EPS15L1: variants seen among roughly 807,000 people sequenced by gnomAD.
EPS15L1 encodes the protein epidermal growth factor receptor substrate 15-like 1.
In EPS15L1, 43 loss-of-function variants were observed where a neutral mutation model predicts 117.1. The observed-to-expected ratio is 0.37, with a 90% CI of 0.29 to 0.47. The LOEUF (loss-of-function observed/expected upper bound fraction) is 0.47, where lower values mean the gene tolerates loss of function less well. EPS15L1 is among the 20% of genes least tolerant of loss of function. The probability of loss-of-function intolerance (pLI) is 0.99; values close to 1 mark genes in which losing one functional copy is unlikely to be tolerated. For missense variants in EPS15L1, 981 were observed against 1,164.0 expected, an observed-to-expected ratio of 0.84 and a Z score of 2.29; for synonymous variants, 459 against 470.5, an observed-to-expected ratio of 0.98 and a Z score of 0.32.
intron 4 of EPS15L1, among the ~76,000 whole-genome samples, chr19:16,439,728 T>C (rs1374091990): frequency 6.6e-6 from 1 of 151,342 alleles, no homozygotes; most frequent in African/African-American, 2.4e-5. Context: ...CATGCAGACA[T>C]GCACCATGAA....
intron 9 of EPS15L1, among the ~76,000 whole-genome samples, chr19:16,423,632 G>A (rs931593503): frequency 2.6e-5 from 4 of 152,144 alleles, no homozygotes; most frequent in Non-Finnish European, 5.9e-5. Context: ...CAGATGGCAA[G>A]AGCAACCTGA....
intron 8 of EPS15L1, among the ~76,000 whole-genome samples, chr19:16,427,194 G>T (rs116050387): frequency 1.3e-5 from 2 of 152,156 alleles, no homozygotes; most frequent in South Asian, 2.1e-4. Flanking sequence ...GGAGGCCAAG[G>T]GGGGAGGTCG....
intron 7 of EPS15L1, among the ~76,000 whole-genome samples, chr19:16,430,585 G>C (rs2092918080): frequency 6.6e-6 from 1 of 152,178 alleles, no homozygotes; most frequent in South Asian, 2.1e-4. Flanking sequence ...CAGTAAATAA[G>C]TCTCAGCCTC....
intron 1 of EPS15L1, among the ~76,000 whole-genome samples, chr19:16,455,374 C>T (rs982685600): frequency 6.6e-6 from 1 of 152,176 alleles, no homozygotes; most frequent in African/African-American, 2.4e-5. Flanking sequence ...AATCCTCCTG[C>T]CTTGGCCTCC....
At position 16,434,245 on chromosome 19, in the gene EPS15L1, T is replaced by C. The variant is rs1056450680; in HGVS notation, c.498+120A>G. 1.6e-5 allele frequency: 22 copies of C among 1,368,624 alleles called. No homozygotes were observed. In the African/African-American group the frequency reaches 2.8e-4, roughly 17 times the overall value. The allele number at this position is 1,368,624 out of a possible 1,614,324, so 84.8% of individuals were successfully genotyped here. ...CCACAGGAGCGCTGATGAAAGCCCC[T>C]GATGGCACAGGGAGAAAACAGAGCA... On this transcript the variant is annotated intron_variant, in intron 7 of 23. Transcript: ENST00000455140.
intron 1 of EPS15L1, among the ~76,000 whole-genome samples, chr19:16,459,301 T>C (rs1322697642): frequency 6.6e-6 from 1 of 152,238 alleles, no homozygotes; most frequent in East Asian, 1.9e-4. Flanking sequence ...CACACTCCCA[T>C]AGCCCCAAAC....
chr19:16,459,086 T>A (rs1463645032), intron 1 of EPS15L1, among the ~76,000 whole-genome samples: 1 of 152,216 alleles, frequency 6.6e-6, no homozygotes, highest in Non-Finnish European at 1.5e-5. Context: ...AGTAGCTGCG[T>A]ATCTAAACAT....
At chr19:16,400,752 C>T in intron 16 of EPS15L1, 1 of 985,390 alleles carries the variant, frequency 1.0e-6, no homozygotes, top group Non-Finnish European at 1.2e-6. Flanking sequence ...TCTCAGGTAA[C>T]CTTTGCCCTG....
At chr19:16,422,547 G>A (rs1474781396) in intron 9 of EPS15L1, among the ~76,000 whole-genome samples, 2 of 152,078 alleles carry the variant, frequency 1.3e-5, no homozygotes, top group African/African-American at 4.8e-5. Flanking sequence ...TGGCTGGAGG[G>A]ATCGATTGTT....
intron 21 of EPS15L1, 49 bp from the exon 22 acceptor site, chr19:16,377,303 G>C (rs1337311836): frequency 1.2e-6 from 2 of 1,604,118 alleles, no homozygotes; most frequent in Non-Finnish European, 8.5e-7. Context: ...TTAAAACAAA[G>C]GTGACGGATG....
At chr19:16,438,910 T>A (rs574702315) in intron 4 of EPS15L1, among the ~76,000 whole-genome samples, 84 of 152,208 alleles carry the variant, frequency 5.5e-4, no homozygotes, top group African/African-American at 1.9e-3. Context: ...CTCGGCCTCG[T>A]TGAATGGAAC....
intron 21 of EPS15L1, 69 bp from the exon 22 acceptor site, chr19:16,377,323 C>G (rs935497166): frequency 6.3e-7 from 1 of 1,577,154 alleles, no homozygotes; most frequent in African/African-American, 1.4e-5. Context: ...GTCCACTGAA[C>G]AGACGCTCAT....
chr19:16,419,075 T>TGGCCACAAGCCCACATAGCTCTTGGG (rs2092789241), intron 10 of EPS15L1, among the ~76,000 whole-genome samples: 4 of 152,168 alleles, frequency 2.6e-5, no homozygotes. Flanking sequence ...CTCTTGGATG[T>TGGCCACAAGCCCACATAGCTCTTGGG]CCTGAAAGAT....
intron 22 of EPS15L1, among the ~76,000 whole-genome samples, chr19:16,376,790 C>T (rs2092301597): frequency 6.6e-6 from 1 of 152,232 alleles, no homozygotes; most frequent in Non-Finnish European, 1.5e-5. Context: ...ATAGCCAGGG[C>T]GTCGGGGTGG....
chr19:16,366,256 G>A (rs1333334764), intron 22 of EPS15L1, among the ~76,000 whole-genome samples: 1 of 152,146 alleles, frequency 6.6e-6, no homozygotes, highest in Non-Finnish European at 1.5e-5. Flanking sequence ...GCAAGAATGT[G>A]GAGGGAGGTG....
rs1490700597 is a variant in EPS15L1 at position 16,425,234 on chromosome 19, C to T, written c.641G>A (p.Arg214Lys). 1 of 1,592,414 alleles carries T rather than the reference C, an allele frequency of 6.3e-7. No individual in the cohort carries two copies. Among genetic ancestry groups the T allele is most frequent in the South Asian group, 1.1e-5 (1 of 90,610 alleles). Residue 214 changes from arginine (R) to lysine (K), a missense_variant, in exon 9 of 24, where the codon AGA becomes AAA. By Grantham distance (26) the Arg-to-Lys change is conservative. Around this residue, in one of 5 missense-constraint regions of EPS15L1, gnomAD observed 819 missense variants for 949.0 expected, o/e 0.86. Transcript: ENST00000455140. ...LPPSLIPPSK[R>K]KKTVFPGAVP... ...GGCGCCAGGGAACACAGTCTTCTTT[C>T]TCTTGGAGGGTGGGATGAGGGACGG...
chr19:16,367,537 G>A (rs1418605447), intron 22 of EPS15L1, among the ~76,000 whole-genome samples: 5 of 138,558 alleles, frequency 3.6e-5, no homozygotes, highest in Non-Finnish European at 7.7e-5. Flanking sequence ...CTTGGTGGCC[G>A]GCTCCACCCT....
chr19:16,470,284 G>A (rs1286326297), intron 1 of EPS15L1, among the ~76,000 whole-genome samples: 1 of 152,124 alleles, frequency 6.6e-6, no homozygotes, highest in Non-Finnish European at 1.5e-5. Flanking sequence ...CTACTCAGGA[G>A]GCTGAGGCAG....
chr19:16,402,405 A>G lies in EPS15L1; in HGVS notation c.1707T>C (p.Asp569=), dbSNP rs1599585928. 6.2e-7 allele frequency: 1 copy of G among 1,614,138 alleles called. No homozygotes were observed. The highest frequency in any genetic ancestry group is 2.2e-5 in the East Asian group (1 of 44,876). The part of the protein sequence containing the change: ...RSLEQYDQVL[D]GAHGASLTDL... ...CGGTCAGGCTGGCACCATGGGCTCC[A>G]TCGAGCACCTGGTCATACTGCTCCA... The change falls in exon 16 of 24, where the codon GAT becomes GAC. Residue 569 remains aspartate (D), a synonymous_variant. Transcript: ENST00000455140.
Sources: gnomAD v4.1 joint callset for allele counts (sites outside exome capture counted in the v4.1 genomes callset) on GRCh38, gnomAD v4.1.1 for gene constraint, gnomAD v4.1.1 regional missense constraint, MANE v1.5 for transcripts, NCBI Gene and HGNC (gene_info 2026-07-23, HGNC 2026-07-21) for gene names.